Variants in TERT observed in about 807,000 individuals in gnomAD.
The protein encoded by TERT is telomerase reverse transcriptase.
In TERT, 42 loss-of-function variants were observed where a neutral mutation model predicts 104.0. The observed-to-expected ratio is 0.40, with a 90% confidence interval of 0.32 to 0.52. TERT has a LOEUF of 0.52. Ranked by LOEUF, TERT falls within the 20% of genes least tolerant of loss-of-function variation. The probability of loss-of-function intolerance (pLI) is 0.43; values close to 1 mark genes in which losing one functional copy is unlikely to be tolerated. For missense variants in TERT, 1,101 were observed against 1,610.3 expected, an observed-to-expected ratio of 0.68 and a Z score of 5.41; for synonymous variants, 781 against 725.6, an observed-to-expected ratio of 1.08 and a Z score of -1.23.
intron 5 of TERT, 122 bp from the exon 6 acceptor site, chr5:1,278,918 C>T: frequency 7.2e-7 from 1 of 1,384,362 alleles, no homozygotes; most frequent in Non-Finnish European, 1.0e-6. Flanking sequence ...CACTCCAGAC[C>T]CCAAGGGCAG....
At position 1,260,557 on chromosome 5, in the gene TERT, C is replaced by A; in HGVS notation, c.2887G>T (p.Gly963Cys). Residue 963 changes from glycine (G) to cysteine (C), a missense_variant, in exon 12 of 16, where the codon GGC becomes TGC. By Grantham distance (159) the Gly-to-Cys change is radical. Transcript: ENST00000310581. ...SIRASLTFNR[G>C]FKAGRNMRRK... ...CGCATGTTCCTCCCAGCCTTGAAGC[C>A]GCGGTTGAAGGTGAGACTGGCTCTG... 6.2e-7 allele frequency: 1 copy of A among 1,614,186 alleles called. No individual in the cohort carries two copies. Among genetic ancestry groups the A allele is most frequent in the Non-Finnish European group, 8.5e-7 (1 of 1,180,020 alleles).
In TERT at chr5:1,253,677, G is replaced by T; in HGVS notation, c.*51C>A. 1 of 1,501,800 alleles carries T rather than the reference G, an allele frequency of 6.7e-7. No homozygotes were observed. Among genetic ancestry groups the T allele is most frequent in the Non-Finnish European group, 9.2e-7 (1 of 1,091,224 alleles). 93.0% of individuals were successfully genotyped at this position (1,501,800 alleles called of 1,614,324 possible). A position where few individuals can be genotyped will look rare whatever the true frequency, so the allele number is the denominator to read the frequency against. ...CCCTCCCTGGGACGTAGAGCCCGGCGTGACAGGGCTGCTGGTGTCTGCTCT... is the reference window on the plus strand; with the variant it reads ...CCCTCCCTGGGACGTAGAGCCCGGCTTGACAGGGCTGCTGGTGTCTGCTCT... On this transcript the variant is annotated 3_prime_UTR_variant, in exon 16 of 16. Transcript: ENST00000310581.
chr5:1,272,235 C>T lies in TERT; in HGVS notation c.2332G>A (p.Ala778Thr), dbSNP rs781360741. 2.5e-6 allele frequency: 4 copies of T among 1,612,862 alleles called. No individual in the cohort carries two copies. Among genetic ancestry groups the T allele is most frequent in the Non-Finnish European group, 3.4e-6 (4 of 1,179,870 alleles). Residue 778 changes from alanine to threonine, a missense_variant, in exon 7 of 16, where the codon GCT becomes ACT. Ala to Thr is a moderately conservative substitution (Grantham distance 58). This residue lies in a region of TERT where 463 missense variants were observed against 797.5 expected (regional missense o/e 0.58). Coordinates refer to ENST00000310581, the MANE Select transcript of TERT (RefSeq NM_198253.3). Reference sequence around the variant, plus strand: ...AGCGGGCTGGTCTCCTGCAGGTGAGCCACGAACTGTCGCATGTACGGCTGG... The same window carrying T: ...AGCGGGCTGGTCTCCTGCAGGTGAGTCACGAACTGTCGCATGTACGGCTGG... The part of the protein sequence containing the change: ...DLQPYMRQFV[A>T]HLQETSPLRD...
At chr5:1,266,146 G>A (rs951188214) in intron 10 of TERT, among the ~76,000 whole-genome samples, 3 of 152,224 alleles carry the variant, frequency 2.0e-5, no homozygotes, top group African/African-American at 7.2e-5. Context: ...GGGTCTCACT[G>A]GGGCCCCAGG....
rs951765505 is a variant in TERT, at chr5:1,287,683, C to T, written c.1574-5059G>A. On this transcript the variant is annotated intron_variant, in intron 2 of 15. Transcript: ENST00000310581. This position sits in a 1 kb window ranked among gnomAD's most constrained non-coding sequence, Gnocchi z 4.3. ...CATCAGGAAGATAAAAATTCTACCA[C>T]GTGCATGCACCTAACAATGCCTCAC... Among the ~76,000 whole-genome samples, 2 of 151,946 alleles carry T rather than the reference C, an allele frequency of 1.3e-5. No homozygotes were observed. The highest frequency in any genetic ancestry group is 2.9e-5 in the Non-Finnish European group (2 of 68,014).
rs1238733587 is a variant in TERT at position 1,293,637 on chromosome 5, C to A, written c.1249G>T (p.Ala417Ser). 3 of 1,555,782 alleles carry A rather than the reference C, an allele frequency of 1.9e-6. No homozygotes were observed. Among genetic ancestry groups the A allele is most frequent in the Non-Finnish European group, 8.7e-7 (1 of 1,149,900 alleles). ...VLLKTHCPLR[A>S]AVTPAAGVCA... ...ACACCGGCTGCTGGGGTGACCGCAG[C>A]TCGCAGCGGGCAGTGCGTCTTGAGG... Residue 417 changes from alanine (A) to serine (S), a missense_variant, in exon 2 of 16, where the codon GCT becomes TCT. By Grantham distance (99) the Ala-to-Ser change is moderately conservative. This residue lies in a region of TERT where 504 missense variants were observed against 544.6 expected (regional missense o/e 0.93). Coordinates refer to ENST00000310581, the MANE Select transcript of TERT (RefSeq NM_198253.3).
chr5:1,273,067 C>T (rs1224469905), intron 6 of TERT, among the ~76,000 whole-genome samples: 6 of 96,626 alleles, frequency 6.2e-5, no homozygotes, highest in Non-Finnish European at 8.8e-5. Flanking sequence ...TGTGACCGAT[C>T]ACCATCCACA....
At position 1,274,710 on chromosome 5, in the gene TERT, G is replaced by A. The variant is rs897729546; in HGVS notation, c.2287-2430C>T. ...CCCACCTAGCCTCCCGCTGTGCGCC[G>A]GGTTCCTAACAGGCCCCAGACCGGT... is the stretch of plus-strand genomic sequence containing the variant. On this transcript the variant is annotated intron_variant, in intron 6 of 15. Coordinates refer to ENST00000310581, the MANE Select transcript of TERT (RefSeq NM_198253.3). The surrounding 1 kb of genome is among the most constrained non-coding windows in gnomAD (Gnocchi z 5.3). 3.3e-5 allele frequency among the ~76,000 whole-genome samples: 5 copies of A among 152,210 alleles called. No individual in the cohort carries two copies. The highest frequency in any genetic ancestry group is 7.2e-5 in the African/African-American group (3 of 41,456).
chr5:1,279,204 G>C (rs992816034), intron 5 of TERT, 87 bp downstream of exon 5: 1 of 1,456,162 alleles, frequency 6.9e-7, no homozygotes, highest in East Asian at 2.5e-5. Flanking sequence ...CCACCCAGGA[G>C]TACCTCCTCC....
intron 2 of TERT, among the ~76,000 whole-genome samples, chr5:1,291,344 C>T (rs375678605): frequency 1.9e-4 from 12 of 63,518 alleles, no homozygotes; most frequent in South Asian, 8.1e-4. Flanking sequence ...CAGGGACACC[C>T]GGGGACCGCG....
At chr5:1,281,578 T>C (rs6866456) in intron 3 of TERT, among the ~76,000 whole-genome samples, 21,073 of 152,198 alleles carry the variant, frequency 0.14, 4,272 homozygotes, top group African/African-American at 0.45. Flanking sequence ...CTTGAATCTG[T>C]CACAATCTCA....
Position 1,294,797 on chromosome 5 carries a change from G to T in TERT, c.193C>A (p.Pro65Thr), listed in dbSNP as rs544215765. The change falls in exon 1 of 16, where the codon CCC becomes ACC. Residue 65 changes from proline (P) to threonine (T), a missense_variant. Pro to Thr is a conservative substitution (Grantham distance 38, BLOSUM62 -1). This residue lies in a region of TERT where 87 missense variants were observed against 145.4 expected (regional missense o/e 0.60). Coordinates refer to ENST00000310581, the MANE Select transcript of TERT (RefSeq NM_198253.3). ...LVCVPWDARP[P>T]PAAPSFRQVS... ...TGGCGGAAGGAGGGGGCGGCGGGGGGCGGCCGTGCGTCCCAGGGCACGCAC... is the reference window on the plus strand; with the variant it reads ...TGGCGGAAGGAGGGGGCGGCGGGGGTCGGCCGTGCGTCCCAGGGCACGCAC... The T allele has an allele frequency of 8.5e-6, 13 of 1,524,376 alleles. No homozygotes were observed. The Admixed American group carries it at 1.4e-4, about 16-fold the overall frequency. The allele number at this position is 1,524,376 out of a possible 1,614,324, so 94.4% of individuals were successfully genotyped here.
At position 1,277,481 on chromosome 5, in the gene TERT, C is replaced by T. The variant is rs529224131; in HGVS notation, c.2286+1160G>A. On this transcript the variant is annotated intron_variant, in intron 6 of 15. Coordinates refer to ENST00000310581, the MANE Select transcript of TERT (RefSeq NM_198253.3). ...TGAGGCGTTCAGCATAGCTGAGGCT[C>T]GAACCCCAAAACCCACCTCCTGCCT... 5.9e-5 allele frequency among the ~76,000 whole-genome samples: 9 copies of T among 152,240 alleles called. No homozygotes were observed. In the East Asian group the frequency reaches 1.5e-3, roughly 26 times the overall value.
At position 1,287,309 on chromosome 5, in the gene TERT, G is replaced by A. The variant is rs1045534297; in HGVS notation, c.1574-4685C>T. Among the ~76,000 whole-genome samples the A allele has an allele frequency of 6.6e-6, 1 of 152,026 alleles. No homozygotes were observed. Among genetic ancestry groups the A allele is most frequent in the Non-Finnish European group, 1.5e-5 (1 of 67,998 alleles). On this transcript the variant is annotated intron_variant, in intron 2 of 15. Transcript: ENST00000310581. The surrounding 1 kb of genome is among the most constrained non-coding windows in gnomAD (Gnocchi z 4.3). ...GAGTCCAAGAGTTTGAGACCAGCCTGGGCAACACAGCAAGACCCTGTCTCC... is the reference window on the plus strand; with the variant it reads ...GAGTCCAAGAGTTTGAGACCAGCCTAGGCAACACAGCAAGACCCTGTCTCC...
In TERT at chr5:1,272,383, C is replaced by T. The variant is rs192999400; in HGVS notation, c.2287-103G>A. The T allele has an allele frequency of 2.7e-3, 2,883 of 1,066,752 alleles. 43 individuals are homozygous for T. In the African/African-American group the frequency reaches 0.036, roughly 13 times the overall value. The allele number at this position is 1,066,752 out of a possible 1,614,324, so 66.1% of individuals were successfully genotyped here. Reference sequence around the variant, plus strand: ...GGACGTGTGGACCTGCGGCCAAGCCCGATGGCGGGATGAAGCCCAGAGAGC... The same window carrying T: ...GGACGTGTGGACCTGCGGCCAAGCCTGATGGCGGGATGAAGCCCAGAGAGC... On this transcript the variant is annotated intron_variant, in intron 6 of 15. Transcript: ENST00000310581.
Position 1,271,132 on chromosome 5 carries a change from G to T in TERT, c.2455C>A (p.Arg819Ser), listed in dbSNP as rs746621306. The T allele has an allele frequency of 1.9e-6, 3 of 1,612,952 alleles. No homozygotes were observed. The highest frequency in any genetic ancestry group is 2.2e-5 in the South Asian group (2 of 91,064). The change falls in exon 8 of 16, where the codon CGC becomes AGC. Residue 819 changes from arginine to serine, a missense_variant. Physicochemically the swap from Arg to Ser is moderately radical, Grantham distance 110. This residue lies in a region of TERT where 463 missense variants were observed against 797.5 expected (regional missense o/e 0.58). Transcript: ENST00000310581. ...FLRFMCHHAVRIRGKSYVQCQ... is the reference protein window; with the variant it reads ...FLRFMCHHAVSIRGKSYVQCQ... ...CACCTGACTCACTTGCCCCTGATGC[G>T]CACGGCGTGGTGGCACATGAAGCGT... is the stretch of plus-strand genomic sequence containing the variant.
rs1271323182 is a variant in TERT, at chr5:1,255,245, A to G, written c.3157+42T>C. Reference sequence around the variant, plus strand: ...AGTCTCCTGACACACTAACACCAGCAGGCAGGCACTGCTGCCACTGAGGCC... The same window carrying G: ...AGTCTCCTGACACACTAACACCAGCGGGCAGGCACTGCTGCCACTGAGGCC... On this transcript the variant is annotated intron_variant, in intron 14 of 15. Coordinates refer to ENST00000310581, the MANE Select transcript of TERT (RefSeq NM_198253.3). The surrounding 1 kb of genome is among the most constrained non-coding windows in gnomAD (Gnocchi z 6.9). The G allele has an allele frequency of 6.2e-7, 1 of 1,608,636 alleles. No homozygotes were observed. Among genetic ancestry groups the G allele is most frequent in the Non-Finnish European group, 8.5e-7 (1 of 1,177,458 alleles).
chr5:1,273,931 A>G (rs1749343838), intron 6 of TERT, among the ~76,000 whole-genome samples: 1 of 152,214 alleles, frequency 6.6e-6, no homozygotes, highest in Non-Finnish European at 1.5e-5. Context: ...CAGCCACAGC[A>G]CAGGCAGGAG....
At chr5:1,259,185 A>G (rs1747990230) in intron 12 of TERT, among the ~76,000 whole-genome samples, 1 of 104,682 alleles carries the variant, frequency 9.6e-6, no homozygotes, top group African/African-American at 3.8e-5. Context: ...GGAGAGGGGG[A>G]GTGGAGTGGA....
Sources: allele counts gnomAD v4.1 joint callset (sites outside exome capture counted in the v4.1 genomes callset), GRCh38; gene constraint gnomAD v4.1.1; regional missense constraint gnomAD v4.1.1; non-coding constraint Gnocchi (gnomAD v3.1); transcripts MANE v1.5; gene names NCBI Gene and HGNC (gene_info 2026-07-23, HGNC 2026-07-21).